NELL1: variants seen among roughly 807,000 people sequenced by gnomAD.
The protein encoded by NELL1 is neural EGFL like 1, also known as protein kinase C-binding protein NELL1.
A neutral mutation model predicts 107.4 loss-of-function variants in NELL1; 76 were observed. That is an observed-to-expected ratio of 0.71 (90% CI 0.59 to 0.86). The LOEUF (loss-of-function observed/expected upper bound fraction) is 0.86, where lower values mean the gene tolerates loss of function less well. Ranked by LOEUF, NELL1 falls within the 40% of genes least tolerant of loss-of-function variation. The pLI is 0.00. For missense variants in NELL1, 1,024 were observed against 1,005.5 expected (o/e 1.02, Z -0.25); for synonymous variants, 353 against 341.2 (o/e 1.03, Z -0.38).
intron 15 of NELL1, among the ~76,000 whole-genome samples, chr11:21,415,774 C>T (rs146248300): frequency 4.6e-5 from 7 of 152,048 alleles, no homozygotes; most frequent in Non-Finnish European, 1.0e-4. Flanking sequence ...GGGGGTTTTC[C>T]ATTCTCTGGC....
At chr11:20,913,842 C>T (rs180881382) in intron 5 of NELL1, among the ~76,000 whole-genome samples, 6 of 100,308 alleles carry the variant, frequency 6.0e-5, no homozygotes, top group East Asian at 2.8e-4. Context: ...AATAAGATTA[C>T]GGGGGGCGGG....
At chr11:21,271,715 A>G (rs1416758428) in intron 14 of NELL1, among the ~76,000 whole-genome samples, 3 of 152,222 alleles carry the variant, frequency 2.0e-5, no homozygotes, top group African/African-American at 7.2e-5. Flanking sequence ...CATAGATGCA[A>G]AAATTCTCAA....
At chr11:21,492,220 G>A (rs369803987) in intron 15 of NELL1, among the ~76,000 whole-genome samples, 3 of 151,680 alleles carry the variant, frequency 2.0e-5, no homozygotes, top group South Asian at 2.1e-4. Context: ...AGTTAGAATG[G>A]CAATCATTAA....
intron 15 of NELL1, among the ~76,000 whole-genome samples, chr11:21,512,580 C>T (rs966706382): frequency 1.3e-5 from 2 of 152,040 alleles, no homozygotes; most frequent in African/African-American, 2.4e-5. Context: ...CAACTTTGTG[C>T]CCCTAGTAAG....
chr11:21,385,521 T>C (rs1422415704), intron 15 of NELL1, among the ~76,000 whole-genome samples: 2 of 151,678 alleles, frequency 1.3e-5, no homozygotes, highest in African/African-American at 4.8e-5. Context: ...ACAGTGCATC[T>C]TTTTTTTCCC....
chr11:21,231,804 T>G (rs992283019), intron 14 of NELL1, among the ~76,000 whole-genome samples: 1 of 152,168 alleles, frequency 6.6e-6, no homozygotes, highest in African/African-American at 2.4e-5. Flanking sequence ...GAAAATAATT[T>G]TCTTAAAGTG....
At chr11:20,756,552 A>T (rs778384098) in intron 2 of NELL1, among the ~76,000 whole-genome samples, 3 of 126,372 alleles carry the variant, frequency 2.4e-5, no homozygotes, top group Non-Finnish European at 4.9e-5. Context: ...TAGTAGAGAC[A>T]GGGTTTCACC....
chr11:20,816,560 A>G (rs61880398), intron 3 of NELL1, among the ~76,000 whole-genome samples: 2,964 of 152,166 alleles, frequency 0.019, 48 homozygotes, highest in Middle Eastern at 0.037. Context: ...GTCTTTAGGG[A>G]TTTCTAGGTA....
intron 15 of NELL1, among the ~76,000 whole-genome samples, chr11:21,490,320 T>C (rs2133914642): frequency 6.6e-6 from 1 of 152,142 alleles, no homozygotes. Context: ...CATTACATGC[T>C]TATAGATCAG....
intron 5 of NELL1, among the ~76,000 whole-genome samples, chr11:20,904,326 T>G (rs1333803906): frequency 6.6e-6 from 1 of 152,148 alleles, no homozygotes. Context: ...ATGTTTGAAG[T>G]GACAGTTATC....
chr11:20,703,346 A>T (rs2133884360), intron 2 of NELL1, among the ~76,000 whole-genome samples: 1 of 152,132 alleles, frequency 6.6e-6, no homozygotes, highest in African/African-American at 2.4e-5. Flanking sequence ...CGGTGGTGAT[A>T]TCCCCTTTAT....
intron 2 of NELL1, chr11:20,769,107 G>T: frequency 6.5e-6 from 1 of 152,722 alleles, no homozygotes; most frequent in Non-Finnish European, 1.5e-5. Context: ...AGAGGGGACA[G>T]GAGGGGAGGC....
chr11:21,195,897 C>T (rs919898081), intron 13 of NELL1, among the ~76,000 whole-genome samples: 3 of 152,200 alleles, frequency 2.0e-5, no homozygotes, highest in African/African-American at 7.2e-5. Context: ...TTCAGTGGCT[C>T]AGCCATAGGC....
At chr11:20,753,127 C>G (rs1856180104) in intron 2 of NELL1, among the ~76,000 whole-genome samples, 1 of 152,154 alleles carries the variant, frequency 6.6e-6, no homozygotes, top group African/African-American at 2.4e-5. Context: ...AATTTCTAAT[C>G]CTGAGCCCAG....
At chr11:20,839,470 G>A (rs755433137) in intron 3 of NELL1, among the ~76,000 whole-genome samples, 22 of 152,304 alleles carry the variant, frequency 1.4e-4, no homozygotes, top group African/African-American at 2.6e-4. Flanking sequence ...GGCAGAATGC[G>A]TATGCTTTCA....
chr11:21,161,882 G>A (rs1856377836), intron 13 of NELL1, among the ~76,000 whole-genome samples: 1 of 150,624 alleles, frequency 6.6e-6, no homozygotes, highest in Non-Finnish European at 1.5e-5. Context: ...TGTGGCTAAT[G>A]GCTGCCATAT....
chr11:20,765,044 G>C (rs938700089), intron 2 of NELL1, among the ~76,000 whole-genome samples: 2 of 152,076 alleles, frequency 1.3e-5, no homozygotes, highest in Admixed American at 6.6e-5. Context: ...CATAGTCCCA[G>C]CTACTTCGGA....
In NELL1 at chr11:21,256,547, T is replaced by C. The variant is rs564701045; in HGVS notation, c.1549+27093T>C. 1.7e-4 allele frequency among the ~76,000 whole-genome samples: 26 copies of C among 152,172 alleles called. 1 individual carries two copies. In the South Asian group the frequency reaches 5.4e-3, roughly 32 times the overall value. On this transcript the variant is annotated intron_variant, in intron 14 of 19. Coordinates refer to ENST00000357134, the MANE Select transcript of NELL1 (RefSeq NM_006157.5). ...GACTGCTTCTTTACCTGGAATTATA[T>C]AGCAGGTCTCATCCTGACTTCTTGG... is the stretch of plus-strand genomic sequence containing the variant.
chr11:21,275,594 CAA>C (rs772133674), intron 14 of NELL1, among the ~76,000 whole-genome samples: 79 of 152,050 alleles, frequency 5.2e-4, no homozygotes, highest in Admixed American at 5.2e-4. Flanking sequence ...AGAGACACAA[CAA>C]AAAAAGAGAA....
Sources: gnomAD v4.1 joint callset for allele counts (sites outside exome capture counted in the v4.1 genomes callset) on GRCh38, gnomAD v4.1.1 for gene constraint, MANE v1.5 for transcripts, NCBI Gene and HGNC (gene_info 2026-07-23, HGNC 2026-07-21) for gene names.